Variants in RBFOX1 observed in about 807,000 individuals in gnomAD.
RBFOX1 encodes RNA binding fox-1 homolog 1.
Under a neutral mutation model 57.7 loss-of-function variants are expected in RBFOX1, and 8 were observed. The ratio of observed to expected loss-of-function variants is 0.14; its 90% confidence interval spans 0.08 to 0.25. The LOEUF (loss-of-function observed/expected upper bound fraction) is 0.25, where lower values mean the gene tolerates loss of function less well. Among genes scored for constraint, RBFOX1 ranks in the 10% least tolerant of loss-of-function variants. The pLI, the probability that RBFOX1 is intolerant of heterozygous loss-of-function variation, is 1.00. For synonymous variants in RBFOX1, 326 were observed against 222.4 expected (o/e 1.47, Z -4.15); for missense variants, 611 against 548.5 (o/e 1.11, Z -1.14).
At chr16:6,958,432 A>G (rs1039438733) in intron 3 of RBFOX1, among the ~76,000 whole-genome samples, 1 of 152,168 alleles carries the variant, frequency 6.6e-6, no homozygotes, top group Non-Finnish European at 1.5e-5. Flanking sequence ...TTAATAAAGC[A>G]TTGGGCAAGG....
Position 6,209,289 on chromosome 16 carries a change from C to G in RBFOX1, c.-126-107706C>G, listed in dbSNP as rs115893055. 5.7e-3 allele frequency among the ~76,000 whole-genome samples: 873 copies of G among 152,308 alleles called. 6 individuals carry two copies. Among genetic ancestry groups the G allele is most frequent in the African/African-American group, 0.02 (816 of 41,564 alleles). On this transcript the variant is annotated intron_variant, in intron 1 of 15. Transcript: ENST00000550418. The stretch of plus-strand genomic sequence containing the variant: ...TTGTGGAATTAACCTAACTTTTCAG[C>G]TGTCTTTAGCAGTTGGGGTTACATT...
At chr16:6,463,555 C>G (rs1317606824) in intron 2 of RBFOX1, among the ~76,000 whole-genome samples, 2 of 151,912 alleles carry the variant, frequency 1.3e-5, no homozygotes, top group Non-Finnish European at 1.5e-5. Context: ...AGAAATCTGA[C>G]CCAAGCTGAT....
chr16:6,693,834 C>T (rs1257611921), intron 3 of RBFOX1, among the ~76,000 whole-genome samples: 1 of 152,222 alleles, frequency 6.6e-6, no homozygotes, highest in African/African-American at 2.4e-5. Context: ...CTACCATCAC[C>T]ACCATCATCC....
rs1416883490 is a variant in RBFOX1, at chr16:7,676,812, T to G, written c.969T>G (p.Pro323=). The change falls in exon 14 of 16, where the codon CCT becomes CCG. Residue 323 remains proline (P), a synonymous_variant. Coordinates refer to ENST00000550418, the MANE Select transcript of RBFOX1 (RefSeq NM_018723.4). The part of the protein sequence containing the change: ...YAAYRYAQPT[P]ATAAAYSDSY... The stretch of plus-strand genomic sequence containing the variant: ...CATACCGCTACGCCCAGCCTACCCC[T>G]GCCACTGCCGCTGCCTACAGTGACA... The G allele has an allele frequency of 2.9e-5, 46 of 1,613,208 alleles. 1 individual carries two copies. The Admixed American group carries it at 7.5e-4, about 26-fold the overall frequency.
intron 4 of RBFOX1, among the ~76,000 whole-genome samples, chr16:7,489,856 A>G (rs1170193664): frequency 6.6e-6 from 1 of 152,026 alleles, no homozygotes; most frequent in Non-Finnish European, 1.5e-5. Flanking sequence ...ACACTTTCGC[A>G]CACCAAGATA....
chr16:6,976,785 TTATATATATG>T (rs1274431285), intron 3 of RBFOX1, among the ~76,000 whole-genome samples: 5 of 140,386 alleles, frequency 3.6e-5, no homozygotes, highest in East Asian at 2.1e-4. Context: ...TATCAATATA[TTATATATATG>T]ATATATGAGA....
At chr16:5,597,261 C>G (rs964043351) in intron 2 of RBFOX1, among the ~76,000 whole-genome samples, 10 of 142,472 alleles carry the variant, frequency 7.0e-5, no homozygotes, top group Middle Eastern at 3.5e-3. Flanking sequence ...TTCTCTGCAC[C>G]TCTCTGTCCT....
intron 4 of RBFOX1, among the ~76,000 whole-genome samples, chr16:7,228,327 A>G (rs961011512): frequency 2.6e-5 from 4 of 152,166 alleles, no homozygotes; most frequent in African/African-American, 7.2e-5. Context: ...TATTAGGAGG[A>G]AAATCAAGGG....
chr16:5,899,888 A>G (rs2058265073), intron 4 of RBFOX1, among the ~76,000 whole-genome samples: 1 of 152,192 alleles, frequency 6.6e-6, no homozygotes, highest in Non-Finnish European at 1.5e-5. Context: ...AGCCTGGGCA[A>G]CATGGTGCAA....
At chr16:5,997,583 A>G (rs780355751) in intron 4 of RBFOX1, among the ~76,000 whole-genome samples, 2 of 152,198 alleles carry the variant, frequency 1.3e-5, no homozygotes, top group Non-Finnish European at 2.9e-5. Flanking sequence ...AAATCTCTAG[A>G]GCGATTAGGC....
intron 4 of RBFOX1, among the ~76,000 whole-genome samples, chr16:5,885,153 C>A (rs2057867637): frequency 6.6e-6 from 1 of 152,184 alleles, no homozygotes; most frequent in Non-Finnish European, 1.5e-5. Context: ...GTAAGGGTGG[C>A]AGCTATGGTT....
intron 2 of RBFOX1, among the ~76,000 whole-genome samples, chr16:5,521,195 C>G (rs2043999537): frequency 6.6e-6 from 1 of 152,122 alleles, no homozygotes; most frequent in Non-Finnish European, 1.5e-5. Context: ...AGTCACAGAG[C>G]TGGTTGACAC....
Position 5,310,917 on chromosome 16 carries a change from G to T in RBFOX1, c.219+70812G>T, listed in dbSNP as rs553175788. 2.0e-5 allele frequency among the ~76,000 whole-genome samples: 3 copies of T among 152,234 alleles called. No homozygotes were observed. In the South Asian group the frequency reaches 6.2e-4, roughly 32 times the overall value. ...CCTAGGTGAATTGTGTAGAAGTGAA[G>T]TCTGAGATTTTAGTGCACCTATCAC... On this transcript the variant is annotated intron_variant, in intron 1 of 2. Coordinates refer to the RBFOX1 transcript ENST00000585867.
Position 6,684,288 on chromosome 16 carries a change from C to G in RBFOX1, c.-16+29638C>G, listed in dbSNP as rs1194040869. On this transcript the variant is annotated intron_variant, in intron 3 of 15. Coordinates refer to ENST00000550418, the MANE Select transcript of RBFOX1 (RefSeq NM_018723.4). Reference sequence around the variant, plus strand: ...TGGCAGTGCACGATAAAGAAAAGCTCCCAGGCGCCAGCCACTGTTTTAATT... The same window carrying G: ...TGGCAGTGCACGATAAAGAAAAGCTGCCAGGCGCCAGCCACTGTTTTAATT... Among the ~76,000 whole-genome samples, 9 of 152,162 alleles carry G rather than the reference C, an allele frequency of 5.9e-5. No homozygotes were observed. The East Asian group carries it at 1.7e-3, about 29-fold the overall frequency.
At chr16:6,861,118 A>G (rs1334461251) in intron 3 of RBFOX1, among the ~76,000 whole-genome samples, 2 of 152,136 alleles carry the variant, frequency 1.3e-5, no homozygotes, top group African/African-American at 4.8e-5. Context: ...TGCGGGGTGG[A>G]CATACGGCAT....
chr16:7,301,841 G>A (rs760294228), intron 4 of RBFOX1, among the ~76,000 whole-genome samples: 6 of 152,140 alleles, frequency 3.9e-5, no homozygotes, highest in Non-Finnish European at 7.3e-5. Context: ...GGATTGGAAA[G>A]GTAGAATGGT....
chr16:7,373,062 G>C (rs1183642147), intron 4 of RBFOX1, among the ~76,000 whole-genome samples: 1 of 151,816 alleles, frequency 6.6e-6, no homozygotes, highest in Admixed American at 6.6e-5. Flanking sequence ...CTCCCGAGTA[G>C]CTGGGACTAC....
At chr16:6,559,290 C>T (rs552341544) in intron 2 of RBFOX1, among the ~76,000 whole-genome samples, 1 of 152,142 alleles carries the variant, frequency 6.6e-6, no homozygotes, top group African/African-American at 2.4e-5. Context: ...GGGGTTTATT[C>T]ATTCTCTCAG....
intron 4 of RBFOX1, among the ~76,000 whole-genome samples, chr16:7,297,707 A>T (rs1052075510): frequency 2.0e-5 from 3 of 152,190 alleles, no homozygotes; most frequent in African/African-American, 7.2e-5. Flanking sequence ...TAGTAGTTGT[A>T]GTAGCAATGA....
Sources: allele counts gnomAD v4.1 joint callset (sites outside exome capture counted in the v4.1 genomes callset), GRCh38; gene constraint gnomAD v4.1.1; transcripts MANE v1.5; gene names NCBI Gene and HGNC (gene_info 2026-07-23, HGNC 2026-07-21).